The following HDAC9 variants were observed in gnomAD, a reference collection of about 807,000 sequenced individuals.
HDAC9 encodes histone deacetylase 9.
In HDAC9, 41 loss-of-function variants were observed where a neutral mutation model predicts 139.4. That is an observed-to-expected ratio of 0.29 (90% CI 0.23 to 0.38). HDAC9 has a LOEUF of 0.38. Ranked by LOEUF, HDAC9 falls within the 10% of genes least tolerant of loss-of-function variation. The pLI is 1.00. For missense variants in HDAC9, 1,147 were observed against 1,297.0 expected (o/e 0.88, Z 1.78); for synonymous variants, 517 against 476.2 (o/e 1.09, Z -1.12).
intron 1 of HDAC9, among the ~76,000 whole-genome samples, chr7:18,479,138 T>C (rs1213626277): frequency 2.0e-5 from 3 of 152,128 alleles, no homozygotes; most frequent in Non-Finnish European, 4.4e-5. Context: ...TATCAATCTT[T>C]TTCTTTATGA....
intron 17 of HDAC9, among the ~76,000 whole-genome samples, chr7:18,822,143 A>C (rs1413402835): frequency 1.3e-5 from 2 of 151,886 alleles, no homozygotes; most frequent in African/African-American, 4.8e-5. Flanking sequence ...AATCAACTCT[A>C]CCTCCAGCCT....
chr7:18,727,916 C>T (rs1785688632), intron 13 of HDAC9, among the ~76,000 whole-genome samples, 159 bp downstream of exon 13: 1 of 152,202 alleles, frequency 6.6e-6, no homozygotes, highest in Admixed American at 6.5e-5. Context: ...ATAAGACAAA[C>T]AGCACATCTG....
At chr7:18,146,043 G>T (rs912925134) in intron 1 of HDAC9, among the ~76,000 whole-genome samples, 11 of 152,072 alleles carry the variant, frequency 7.2e-5, no homozygotes, top group African/African-American at 2.7e-4. Context: ...ATGCTGATTG[G>T]TTGGGAAAAA....
At chr7:18,264,978 A>G (rs1268012463) in intron 2 of HDAC9, among the ~76,000 whole-genome samples, 1 of 152,126 alleles carries the variant, frequency 6.6e-6, no homozygotes, top group South Asian at 2.1e-4. Flanking sequence ...AGGGAAAACT[A>G]TTTAGTTACT....
chr7:18,968,352 T>C (rs1369536457), intron 24 of HDAC9, among the ~76,000 whole-genome samples: 1 of 152,212 alleles, frequency 6.6e-6, no homozygotes, highest in Non-Finnish European at 1.5e-5. Flanking sequence ...TAAGTGGACC[T>C]CTGACCCCAT....
At chr7:18,992,911 C>CTCT in intron 25 of HDAC9, among the ~76,000 whole-genome samples, 2 of 152,072 alleles carry the variant, frequency 1.3e-5, no homozygotes, top group East Asian at 3.9e-4. Context: ...TAGTTATCTC[C>CTCT]GAACTTACTG....
intron 2 of HDAC9, among the ~76,000 whole-genome samples, chr7:18,548,320 T>C (rs1456582279): frequency 2.0e-5 from 3 of 152,014 alleles, no homozygotes; most frequent in South Asian, 2.1e-4. Flanking sequence ...CTAACAGATA[T>C]AATAATAATG....
intron 22 of HDAC9, among the ~76,000 whole-genome samples, chr7:18,898,260 A>G (rs1487563763): frequency 2.0e-5 from 3 of 152,028 alleles, no homozygotes; most frequent in East Asian, 3.9e-4. Flanking sequence ...ATAATATTCT[A>G]TGGGAACATA....
chr7:18,665,866 C>T (rs553065317), intron 11 of HDAC9, among the ~76,000 whole-genome samples: 1 of 152,234 alleles, frequency 6.6e-6, no homozygotes, highest in South Asian at 2.1e-4. Context: ...CCAGGTTCAA[C>T]TTTCAAAACA....
chr7:18,483,880 ATCTT>A (rs1038202490), intron 1 of HDAC9, among the ~76,000 whole-genome samples: 2 of 152,114 alleles, frequency 1.3e-5, no homozygotes, highest in African/African-American at 2.4e-5. Flanking sequence ...TATTATTTTA[ATCTT>A]TCTGTTTTCT....
intron 1 of HDAC9, among the ~76,000 whole-genome samples, chr7:18,431,423 G>T (rs1444193749): frequency 6.6e-6 from 1 of 152,136 alleles, no homozygotes; most frequent in Admixed American, 6.5e-5. Context: ...CATCATGCCT[G>T]TGTAACTTTT....
rs558617997 is a variant in HDAC9, at chr7:18,620,973, C to T, written c.665-8377C>T. Among the ~76,000 whole-genome samples the T allele has an allele frequency of 6.6e-5, 10 of 152,226 alleles. No individual in the cohort carries two copies. In the East Asian group the frequency reaches 1.9e-3, roughly 29 times the overall value. Reference sequence around the variant, plus strand: ...TCACACAATGATGTACATAACAGTGCTGTCTTTCGAAGCAAAACAATGTGT... The same window carrying T: ...TCACACAATGATGTACATAACAGTGTTGTCTTTCGAAGCAAAACAATGTGT... On this transcript the variant is annotated intron_variant, in intron 6 of 25. Transcript: ENST00000686413.
At chr7:18,716,180 C>T (rs888870917) in intron 12 of HDAC9, among the ~76,000 whole-genome samples, 1 of 152,188 alleles carries the variant, frequency 6.6e-6, no homozygotes, top group South Asian at 2.1e-4. Flanking sequence ...CCTGTACTGT[C>T]CATTGGCTGC....
chr7:18,974,629 C>T (rs1784445161), intron 24 of HDAC9, among the ~76,000 whole-genome samples: 1 of 152,186 alleles, frequency 6.6e-6, no homozygotes, highest in Non-Finnish European at 1.5e-5. Flanking sequence ...TAATGGACAC[C>T]TATGTCAGAT....
chr7:18,787,662 C>T (rs940156737), intron 16 of HDAC9, among the ~76,000 whole-genome samples: 2 of 152,208 alleles, frequency 1.3e-5, no homozygotes, highest in African/African-American at 4.8e-5. Flanking sequence ...AGTTAAACCT[C>T]ACTAGCCTGT....
chr7:18,722,374 T>C, intron 12 of HDAC9, among the ~76,000 whole-genome samples: 1 of 152,172 alleles, frequency 6.6e-6, no homozygotes, highest in South Asian at 2.1e-4. Context: ...ATAAGTAAAA[T>C]GTTAACTTGG....
intron 13 of HDAC9, among the ~76,000 whole-genome samples, chr7:18,740,035 T>C (rs553503754): frequency 1.3e-5 from 2 of 152,312 alleles, no homozygotes; most frequent in South Asian, 2.1e-4. Context: ...ACTGCTCTGC[T>C]AGCACTGAGC....
chr7:19,000,214 G>C lies in HDAC9; in HGVS notation c.*4152G>C, dbSNP rs943497609. 1 of 152,194 alleles carries C rather than the reference G, an allele frequency of 6.6e-6. No homozygotes were observed. The highest frequency in any genetic ancestry group is 2.1e-4 in the South Asian group (1 of 4,828). 9.4% of individuals were successfully genotyped at this position (152,194 alleles called of 1,614,324 possible). ...CTTGTTTCCAAAGGCCACTATTGTA[G>C]TACAGTCTCCAGCAGGATTTTGTAC... On this transcript the variant is annotated 3_prime_UTR_variant, in exon 26 of 26. Transcript: ENST00000686413.
chr7:18,980,939 T>C (rs1784906555), intron 25 of HDAC9, among the ~76,000 whole-genome samples: 1 of 151,958 alleles, frequency 6.6e-6, no homozygotes, highest in South Asian at 2.1e-4. Context: ...TTCTCTTGCC[T>C]CAGCCTCTCG....
Sources: allele counts gnomAD v4.1 joint callset (sites outside exome capture counted in the v4.1 genomes callset), GRCh38; gene constraint gnomAD v4.1.1; transcripts MANE v1.5; gene names NCBI Gene and HGNC (gene_info 2026-07-23, HGNC 2026-07-21).